Variants in PJVK observed in about 807,000 individuals in gnomAD.
PJVK encodes the protein pejvakin.
PJVK carries 33 observed loss-of-function variants against 37.6 expected under a neutral mutation model. The ratio of observed to expected loss-of-function variants is 0.88; its 90% CI spans 0.67 to 1.17. The LOEUF (loss-of-function observed/expected upper bound fraction) is 1.17, where lower values mean the gene tolerates loss of function less well. Among genes scored for constraint, PJVK ranks in the 50% most tolerant of loss-of-function variants. The pLI is 0.00. For synonymous variants in PJVK, 141 were observed against 143.5 expected (o/e 0.98, Z 0.13); for missense variants, 410 against 413.8 (o/e 0.99, Z 0.08).
intron 3 of PJVK, chr2:178,454,792 A>G (rs1450003238): frequency 3.9e-6 from 6 of 1,553,564 alleles, no homozygotes; most frequent in Non-Finnish European, 5.3e-6. Context: ...GAGATTGACC[A>G]GAAATAGGAT....
intron 6 of PJVK, 79 bp from the exon 7 acceptor site, chr2:178,460,903 A>G (rs1168775605): frequency 2.1e-5 from 27 of 1,303,526 alleles, no homozygotes; most frequent in Non-Finnish European, 2.8e-5. Flanking sequence ...GTGGATTCAC[A>G]TATTTATTAA....
intron 3 of PJVK, chr2:178,454,952 C>T (rs1427700214): frequency 1.7e-5 from 16 of 915,296 alleles, no homozygotes; most frequent in Non-Finnish European, 2.4e-5. Context: ...CTGATTACCG[C>T]TGGACCAAGA....
At chr2:178,459,201 G>A (rs1400062991) in intron 5 of PJVK, 1 of 472,198 alleles carries the variant, frequency 2.1e-6, no homozygotes. Flanking sequence ...AGGTCTTTAA[G>A]GTCTGTTGGC....
In PJVK at chr2:178,461,172, G is replaced by A. The variant is rs1684486206; in HGVS notation, c.957G>A (p.Arg319=). 1 of 1,614,054 alleles carries A rather than the reference G, an allele frequency of 6.2e-7. No homozygotes were observed. The highest frequency in any genetic ancestry group is 8.5e-7 in the Non-Finnish European group (1 of 1,180,030). The change falls in exon 7 of 7, where the codon AGG becomes AGA. Residue 319 remains arginine (R), a synonymous_variant. Transcript: ENST00000644580. ...TCTGTGGAATGGGGAACTTCAAAAG[G>A]GAGACAGTTTATGGGTGCTTTCAGT... The part of the protein sequence containing the change: ...CILCGMGNFK[R]ETVYGCFQCS...
At chr2:178,456,230 G>A in intron 4 of PJVK, 79 bp downstream of exon 4, 1 of 1,543,956 alleles carries the variant, frequency 6.5e-7, no homozygotes, top group Middle Eastern at 1.7e-4. Context: ...TTTCTAGTCA[G>A]GCTTGTGTAT....
rs569088856 is a variant in PJVK, at chr2:178,461,243, G to C, written c.1028G>C (p.Cys343Ser). 1.2e-5 allele frequency: 19 copies of C among 1,614,098 alleles called. No homozygotes were observed. The South Asian group carries it at 1.9e-4, about 16-fold the overall frequency. Reference sequence around the variant, plus strand: ...TATGTGAGACTTCATGCAGTTCCTTGTTTTGATATTTGGCACAAGAGGATG... The same window carrying C: ...TATGTGAGACTTCATGCAGTTCCTTCTTTTGATATTTGGCACAAGAGGATG... ...QKYVRLHAVP[C>S]FDIWHKRMK The change falls in exon 7 of 7, where the codon TGT becomes TCT. Residue 343 changes from cysteine to serine, a missense_variant. Physicochemically the swap from Cys to Ser is moderately radical, Grantham distance 112. Coordinates refer to ENST00000644580, the MANE Select transcript of PJVK (RefSeq NM_001042702.5).
At position 178,455,086 on chromosome 2, in the gene PJVK, C is replaced by T. The variant is rs1260659436; in HGVS notation, c.407+559C>T. ...GGCTCAAGGGGCAGCCAGCGATCAT[C>T]GATGGGGAGCTCTACAACGAAGTGA... On this transcript the variant is annotated intron_variant, in intron 3 of 6. Transcript: ENST00000644580. 1.5e-5 allele frequency: 23 copies of T among 1,560,120 alleles called. 1 individual carries two copies. The highest frequency in any genetic ancestry group is 6.7e-5 in the South Asian group (6 of 89,926).
rs1307821159 is a variant in PJVK, at chr2:178,461,361, T to C, written c.*87T>C. 6.7e-7 allele frequency: 1 copy of C among 1,501,392 alleles called. No individual in the cohort carries two copies. The highest frequency in any genetic ancestry group is 2.3e-5 in the East Asian group (1 of 44,238). The allele number at this position is 1,501,392 out of a possible 1,614,324, so 93.0% of individuals were successfully genotyped here. On this transcript the variant is annotated 3_prime_UTR_variant, in exon 7 of 7. Transcript: ENST00000644580. ...AATTATCTAGGTTTGCTTTGATGAA[T>C]TAAATTAAAATGAGAAAAGCAAAAA...
At chr2:178,457,221 C>T (rs1575119579) in intron 4 of PJVK, among the ~76,000 whole-genome samples, 3 of 152,134 alleles carry the variant, frequency 2.0e-5, no homozygotes, top group Non-Finnish European at 2.9e-5. Context: ...TGTGAGCCAC[C>T]GCGCCTGGCC....
chr2:178,454,848 C>G (rs752174753), intron 3 of PJVK: 9 of 1,106,868 alleles, frequency 8.1e-6, no homozygotes, highest in African/African-American at 1.5e-5. Context: ...CCTTGACTCC[C>G]CAGGGAAGCA....
chr2:178,454,530 C>A lies in PJVK; in HGVS notation c.407+3C>A. ...TTACTCAAAGAAATTACTACACGGTCAGTATAATAATCCTAATATATTTCA... is the reference window on the plus strand; with the variant it reads ...TTACTCAAAGAAATTACTACACGGTAAGTATAATAATCCTAATATATTTCA... On this transcript the variant is annotated splice_donor_region_variant and intron_variant, in intron 3 of 6. Transcript: ENST00000644580. 2 of 1,611,792 alleles carry A rather than the reference C, an allele frequency of 1.2e-6. No homozygotes were observed. Among genetic ancestry groups the A allele is most frequent in the South Asian group, 2.2e-5 (2 of 90,724 alleles).
chr2:178,456,953 A>AT lies in PJVK; in HGVS notation c.549+808dup, dbSNP rs1359290902. Among the ~76,000 whole-genome samples the AT allele has an allele frequency of 2.0e-5, 3 of 152,174 alleles. No individual in the cohort carries two copies. In the East Asian group the frequency reaches 5.8e-4, roughly 29 times the overall value. Reference sequence around the variant, plus strand: ...AAGTGATAGAGTTTTTACACTTTGAATTTTTTAAAGCTGAATTTATAGATT... The same window carrying AT: ...AAGTGATAGAGTTTTTACACTTTGAATTTTTTTAAAGCTGAATTTATAGATT... On this transcript the variant is annotated intron_variant, in intron 4 of 6. Transcript: ENST00000644580.
intron 4 of PJVK, 130 bp downstream of exon 4, chr2:178,456,281 A>G: frequency 8.5e-7 from 1 of 1,178,926 alleles, no homozygotes; most frequent in Non-Finnish European, 1.2e-6. Flanking sequence ...GTTGTATAGG[A>G]TTTTGCACAG....
intron 5 of PJVK, chr2:178,460,026 T>C (rs143182781): frequency 3.4e-6 from 1 of 292,900 alleles, no homozygotes; most frequent in East Asian, 8.0e-5. Context: ...CACATACATG[T>C]ATATATGCAT....
chr2:178,452,623 T>C, intron 1 of PJVK: 1 of 985,386 alleles, frequency 1.0e-6, no homozygotes. Context: ...GAACTTTATA[T>C]AGCTCTTGTT....
intron 5 of PJVK, among the ~76,000 whole-genome samples, 190 bp from the exon 6 acceptor site, chr2:178,460,158 A>G (rs1317233876): frequency 6.6e-6 from 1 of 152,156 alleles, no homozygotes; most frequent in Non-Finnish European, 1.5e-5. Flanking sequence ...TGGGCCAGAG[A>G]CCTATTTGTC....
At chr2:178,456,611 C>T (rs1168014905) in intron 4 of PJVK, among the ~76,000 whole-genome samples, 1 of 152,062 alleles carries the variant, frequency 6.6e-6, no homozygotes, top group Non-Finnish European at 1.5e-5. Context: ...ACTGAAAATA[C>T]AAAAATTAGC....
At position 178,453,584 on chromosome 2, in the gene PJVK, A is replaced by G. The variant is rs761878522; in HGVS notation, c.175A>G (p.Lys59Glu). Reference protein sequence around the residue: ...YKFTSTPFTLKDILLGDREIS... With the variant: ...YKFTSTPFTLEDILLGDREIS... ...ATTTACTTCAACACCTTTTACACTGAAAGATATTCTCCTAGGAGACAGAGA... is the reference window on the plus strand; with the variant it reads ...ATTTACTTCAACACCTTTTACACTGGAAGATATTCTCCTAGGAGACAGAGA... Residue 59 changes from lysine to glutamate, a missense_variant, in exon 2 of 7, where the codon AAA becomes GAA. Lys to Glu is a moderately conservative substitution (Grantham distance 56). Coordinates refer to ENST00000644580, the MANE Select transcript of PJVK (RefSeq NM_001042702.5). 3 of 1,613,906 alleles carry G rather than the reference A, an allele frequency of 1.9e-6. No individual in the cohort carries two copies. The highest frequency in any genetic ancestry group is 2.2e-5 in the South Asian group (2 of 91,034).
In PJVK at chr2:178,456,093, G is replaced by A. The variant is rs757922706; in HGVS notation, c.491G>A (p.Arg164Gln). ...AVLCVVMESI[R>Q]TTRQCSLSVH... ...TTGTGTGTGGTCATGGAGAGCATCC[G>A]AACCACACGACAGTGCTCACTGTCT... is the stretch of plus-strand genomic sequence containing the variant. The change falls in exon 4 of 7, where the codon CGA becomes CAA. Residue 164 changes from arginine (R) to glutamine (Q), a missense_variant. Arg to Gln is a conservative substitution (Grantham distance 43, BLOSUM62 1). Coordinates refer to ENST00000644580, the MANE Select transcript of PJVK (RefSeq NM_001042702.5). 16 of 1,614,004 alleles carry A rather than the reference G, an allele frequency of 9.9e-6. No individual in the cohort carries two copies. Among genetic ancestry groups the A allele is most frequent in the South Asian group, 4.4e-5 (4 of 91,080 alleles).
Sources: gnomAD v4.1 joint callset for allele counts (sites outside exome capture counted in the v4.1 genomes callset) on GRCh38, gnomAD v4.1.1 for gene constraint, MANE v1.5 for transcripts, NCBI Gene and HGNC (gene_info 2026-07-23, HGNC 2026-07-21) for gene names.